LHFPL2: variants seen among roughly 807,000 people sequenced by gnomAD.
LHFPL2 encodes the protein LHFPL tetraspan subfamily member 2 protein.
A neutral mutation model predicts 17.5 loss-of-function variants in LHFPL2; 7 were observed. The observed-to-expected ratio is 0.40, with a 90% CI of 0.23 to 0.75. The LOEUF (loss-of-function observed/expected upper bound fraction) is 0.75, where lower values mean the gene tolerates loss of function less well. Among genes scored for constraint, LHFPL2 ranks in the 30% least tolerant of loss-of-function variants. The pLI is 0.37. For missense variants in LHFPL2, 241 were observed against 294.8 expected (o/e 0.82, Z 1.34); for synonymous variants, 134 against 116.2 (o/e 1.15, Z -0.99).
chr5:78,617,960 T>A (rs1744678589), intron 2 of LHFPL2, among the ~76,000 whole-genome samples: 1 of 152,066 alleles, frequency 6.6e-6, no homozygotes, highest in Non-Finnish European at 1.5e-5. Context: ...CCCAGCACTT[T>A]GGGAGGCCAA....
At chr5:78,637,782 C>T (rs1745507719) in intron 1 of LHFPL2, among the ~76,000 whole-genome samples, 2 of 152,220 alleles carry the variant, frequency 1.3e-5, no homozygotes. Context: ...ATCCTAGGCC[C>T]TACCCAGCCC....
chr5:78,563,172 C>A (rs893372040), intron 3 of LHFPL2, among the ~76,000 whole-genome samples: 1 of 152,176 alleles, frequency 6.6e-6, no homozygotes, highest in African/African-American at 2.4e-5. Context: ...TCACTATCAA[C>A]CCCAGTGTCA....
At chr5:78,630,110 C>A (rs1187805117) in intron 2 of LHFPL2, among the ~76,000 whole-genome samples, 1 of 152,166 alleles carries the variant, frequency 6.6e-6, no homozygotes. Context: ...TACATGGAGC[C>A]GGGCAGCTCA....
chr5:78,486,836 G>GAGATTGTAA lies in LHFPL2; in HGVS notation c.*2052_*2060dup, dbSNP rs1403055706. 2 of 152,202 alleles carry GAGATTGTAA rather than the reference G, an allele frequency of 1.3e-5. No individual in the cohort carries two copies. Among genetic ancestry groups the GAGATTGTAA allele is most frequent in the Non-Finnish European group, 2.9e-5 (2 of 68,052 alleles). The allele number at this position is 152,202 out of a possible 1,614,324, so 9.4% of individuals were successfully genotyped here. A position where few individuals can be genotyped will look rare whatever the true frequency, so the allele number is the denominator to read the frequency against. On this transcript the variant is annotated 3_prime_UTR_variant, in exon 5 of 5. Transcript: ENST00000380345. Reference sequence around the variant, plus strand: ...TTAGGACTTAACTTGTAAGGACACTGAGATTGTAAACCTAGTGTCAGAAAA... The same window carrying GAGATTGTAA: ...TTAGGACTTAACTTGTAAGGACACTGAGATTGTAAAGATTGTAAACCTAGTGTCAGAAAA...
At chr5:78,508,508 C>T (rs904364940) in intron 4 of LHFPL2, among the ~76,000 whole-genome samples, 1 of 151,222 alleles carries the variant, frequency 6.6e-6, no homozygotes, top group Non-Finnish European at 1.5e-5. Flanking sequence ...CCCACCTCCA[C>T]CCTACACAGG....
intron 3 of LHFPL2, among the ~76,000 whole-genome samples, chr5:78,518,618 C>A (rs927643243): frequency 3.9e-5 from 6 of 152,192 alleles, no homozygotes; most frequent in Non-Finnish European, 7.3e-5. Flanking sequence ...CAACTCTGGG[C>A]AGCAGCCTGG....
chr5:78,495,797 G>A (rs755109149), intron 4 of LHFPL2, among the ~76,000 whole-genome samples: 3 of 152,208 alleles, frequency 2.0e-5, no homozygotes, highest in East Asian at 1.9e-4. Context: ...GCGTGTCCAC[G>A]GAGTGCATGC....
intron 1 of LHFPL2, chr5:78,644,259 G>T: frequency 1.3e-6 from 1 of 771,878 alleles, no homozygotes. Flanking sequence ...AACTGTGCTA[G>T]AACCAACTTA....
chr5:78,495,131 A>G (rs1165575661), intron 4 of LHFPL2, among the ~76,000 whole-genome samples: 1 of 152,220 alleles, frequency 6.6e-6, no homozygotes, highest in Admixed American at 6.5e-5. Context: ...ATGTTGCTGC[A>G]TACAGTGAGT....
chr5:78,595,685 A>T (rs952350626), intron 2 of LHFPL2, among the ~76,000 whole-genome samples: 3 of 152,016 alleles, frequency 2.0e-5, no homozygotes, highest in Admixed American at 6.6e-5. Flanking sequence ...CTAATTTTTT[A>T]AAATTTTTTT....
intron 3 of LHFPL2, among the ~76,000 whole-genome samples, chr5:78,513,508 G>C (rs16875564): frequency 0.32 from 47,964 of 152,016 alleles, 8,173 homozygotes; most frequent in East Asian, 0.72. Flanking sequence ...GAGGAACAGT[G>C]GTGATACGCA....
At chr5:78,495,854 T>C (rs910748882) in intron 4 of LHFPL2, among the ~76,000 whole-genome samples, 8 of 152,292 alleles carry the variant, frequency 5.3e-5, no homozygotes, top group South Asian at 4.1e-4. Context: ...ATGGCTGGGT[T>C]ATAGGAGTGG....
intron 3 of LHFPL2, among the ~76,000 whole-genome samples, chr5:78,528,548 A>G (rs892234909): frequency 2.6e-5 from 4 of 152,238 alleles, no homozygotes; most frequent in African/African-American, 9.6e-5. Context: ...GGTGCCAAAA[A>G]GGTTGGGGAC....
At chr5:78,512,128 A>C (rs564617393) in intron 3 of LHFPL2, among the ~76,000 whole-genome samples, 1 of 152,238 alleles carries the variant, frequency 6.6e-6, no homozygotes, top group South Asian at 2.1e-4. Context: ...CTTTTCCTGT[A>C]ACATAGATGA....
rs1450400084 is a variant in LHFPL2 at position 78,503,283 on chromosome 5, CAATT to C, written c.430+6497_430+6500del. On this transcript the variant is annotated intron_variant, in intron 4 of 4. Coordinates refer to ENST00000380345, the MANE Select transcript of LHFPL2 (RefSeq NM_005779.3). ...ATGGCTCTGTGATAATTTATGTCGA[CAATT>C]AAGTAGTTGCCATGGCAAACCACTT... Among the ~76,000 whole-genome samples, 20 of 152,322 alleles carry C rather than the reference CAATT, an allele frequency of 1.3e-4. 1 individual carries two copies. The highest frequency in any genetic ancestry group is 7.7e-4 in the East Asian group (4 of 5,190).
intron 2 of LHFPL2, among the ~76,000 whole-genome samples, chr5:78,580,900 T>C: frequency 6.6e-6 from 1 of 152,208 alleles, no homozygotes; most frequent in Non-Finnish European, 1.5e-5. Context: ...ATTGGTAGCT[T>C]GATGGGGATG....
chr5:78,506,363 G>A (rs557806764), intron 4 of LHFPL2, among the ~76,000 whole-genome samples: 6 of 152,332 alleles, frequency 3.9e-5, no homozygotes, highest in Non-Finnish European at 7.4e-5. Flanking sequence ...AACACAGCCT[G>A]AGTGTATTTC....
chr5:78,579,258 G>C (rs967795979), intron 2 of LHFPL2, among the ~76,000 whole-genome samples: 1 of 152,044 alleles, frequency 6.6e-6, no homozygotes, highest in Non-Finnish European at 1.5e-5. Flanking sequence ...GCAGGAGAGG[G>C]TGGAGGAGGA....
intron 4 of LHFPL2, among the ~76,000 whole-genome samples, chr5:78,506,681 C>G (rs139357100): frequency 1.3e-5 from 2 of 152,324 alleles, no homozygotes; most frequent in African/African-American, 4.8e-5. Context: ...AAAGTGCCCA[C>G]TGAATCATGA....
Sources: gnomAD v4.1 joint callset for allele counts (sites outside exome capture counted in the v4.1 genomes callset) on GRCh38, gnomAD v4.1.1 for gene constraint, MANE v1.5 for transcripts, NCBI Gene and HGNC (gene_info 2026-07-23, HGNC 2026-07-21) for gene names.